RNF144B: variants seen among roughly 807,000 people sequenced by gnomAD.
The protein encoded by RNF144B is ring finger protein 144B, also known as E3 ubiquitin-protein ligase RNF144B.
RNF144B carries 25 observed loss-of-function variants against 40.2 expected under a neutral mutation model. The observed-to-expected ratio is 0.62, with a 90% CI of 0.45 to 0.87. RNF144B has a LOEUF of 0.87. Ranked by LOEUF, RNF144B falls within the 40% of genes least tolerant of loss-of-function variation. RNF144B has a pLI of 0.00. For missense variants in RNF144B, 365 were observed against 373.7 expected (o/e 0.98, Z 0.19); for synonymous variants, 145 against 136.3 (o/e 1.06, Z -0.44).
At chr6:18,463,854 A>G (rs1217611869) in intron 7 of RNF144B, among the ~76,000 whole-genome samples, 3 of 152,172 alleles carry the variant, frequency 2.0e-5, no homozygotes, top group African/African-American at 7.2e-5. Flanking sequence ...GCAAAGGAGG[A>G]GCAAAGTCAT....
In RNF144B at chr6:18,460,585, ACTCTCTTCT is replaced by A. The variant is rs962154695; in HGVS notation, c.681+838_681+846del. ...TGGTTCAAATCAATGGTGTCTCCTA[ACTCTCTTCT>A]CTCCCTCATGCTCTCTTGCATGCTC... On this transcript the variant is annotated intron_variant, in intron 6 of 7. Transcript: ENST00000259939. This position sits in a 1 kb window ranked among gnomAD's most constrained non-coding sequence, Gnocchi z 4.4. Among the ~76,000 whole-genome samples, 1 of 151,336 alleles carries A rather than the reference ACTCTCTTCT, an allele frequency of 6.6e-6. No homozygotes were observed. The highest frequency in any genetic ancestry group is 1.5e-5 in the Non-Finnish European group (1 of 67,848).
In RNF144B at chr6:18,427,701, A is replaced by G. The variant is rs769753089; in HGVS notation, c.270+16A>G. On this transcript the variant is annotated intron_variant, in intron 3 of 7. Coordinates refer to ENST00000259939, the MANE Select transcript of RNF144B (RefSeq NM_182757.4). ...GGAAGCTGAGGTATGAATGACTACCATCATCTTCCCCTCTTTCCTATTTAT... is the reference window on the plus strand; with the variant it reads ...GGAAGCTGAGGTATGAATGACTACCGTCATCTTCCCCTCTTTCCTATTTAT... 1 of 1,420,358 alleles carries G rather than the reference A, an allele frequency of 7.0e-7. No individual in the cohort carries two copies. The highest frequency in any genetic ancestry group is 1.0e-6 in the Non-Finnish European group (1 of 1,004,230). The allele number at this position is 1,420,358 out of a possible 1,614,324, so 88.0% of individuals were successfully genotyped here.
At chr6:18,435,682 C>T (rs1234059700) in intron 3 of RNF144B, among the ~76,000 whole-genome samples, 4 of 152,188 alleles carry the variant, frequency 2.6e-5, no homozygotes, top group African/African-American at 9.6e-5. Context: ...AGTTAACATA[C>T]TATGCAGCCA....
chr6:18,456,003 A>G lies in RNF144B; in HGVS notation c.332-1152A>G, dbSNP rs895134121. 6.6e-6 allele frequency among the ~76,000 whole-genome samples: 1 copy of G among 151,802 alleles called. No homozygotes were observed. The highest frequency in any genetic ancestry group is 1.5e-5 in the Non-Finnish European group (1 of 67,980). ...AGTGGTGCGATCTCAGCTCACTGCA[A>G]CCTCTGCCTCCCGGGTTCACGCCAT... is the stretch of plus-strand genomic sequence containing the variant. On this transcript the variant is annotated intron_variant, in intron 4 of 7. Coordinates refer to ENST00000259939, the MANE Select transcript of RNF144B (RefSeq NM_182757.4). This position sits in a 1 kb window ranked among gnomAD's most constrained non-coding sequence, Gnocchi z 4.7.
rs992928243 is a variant in RNF144B at position 18,418,886 on chromosome 6, G to A, written c.166-8695G>A. Among the ~76,000 whole-genome samples the A allele has an allele frequency of 3.3e-5, 5 of 151,968 alleles. No individual in the cohort carries two copies. Among genetic ancestry groups the A allele is most frequent in the African/African-American group, 9.7e-5 (4 of 41,382 alleles). On this transcript the variant is annotated intron_variant, in intron 2 of 7. Transcript: ENST00000259939. This position sits in a 1 kb window ranked among gnomAD's most constrained non-coding sequence, Gnocchi z 5.2. ...AGAGAGTCTGAATTAATTGGTCTGT[G>A]GTATGGCCTGGGCATTGGACTTCTG... is the stretch of plus-strand genomic sequence containing the variant.
chr6:18,413,582 T>A (rs1467417719), intron 2 of RNF144B, among the ~76,000 whole-genome samples: 1 of 152,162 alleles, frequency 6.6e-6, no homozygotes, highest in Non-Finnish European at 1.5e-5. Flanking sequence ...CCCAGTGCAT[T>A]TAGCATATTT....
rs1554182726 is a variant in RNF144B, at chr6:18,467,401, T to TTTTTG, written c.*2338_*2339insGTTTT. ...TGTATCACTGAATTAGCTGCTTTTG[T>TTTTTG]TTTTTTTTTTTTTTTTTTGCCAGGG... On this transcript the variant is annotated 3_prime_UTR_variant, in exon 8 of 8. Transcript: ENST00000259939. 3.1e-3 allele frequency: 21 copies of TTTTTG among 6,776 alleles called. No individual in the cohort carries two copies. The highest frequency in any genetic ancestry group is 6.4e-3 in the South Asian group (3 of 470). 0.4% of individuals were successfully genotyped at this position (6,776 alleles called of 1,614,324 possible).
At chr6:18,396,064 G>A (rs1794688431) in intron 1 of RNF144B, among the ~76,000 whole-genome samples, 1 of 152,022 alleles carries the variant, frequency 6.6e-6, no homozygotes, top group African/African-American at 2.4e-5. Flanking sequence ...GCTATGTAAA[G>A]GTTTTTCTAT....
In RNF144B at chr6:18,447,439, G is replaced by C. The variant is rs910475045; in HGVS notation, c.331+7695G>C. On this transcript the variant is annotated intron_variant, in intron 4 of 7. Coordinates refer to ENST00000259939, the MANE Select transcript of RNF144B (RefSeq NM_182757.4). The surrounding 1 kb of genome is among the most constrained non-coding windows in gnomAD (Gnocchi z 5.6). ...TGATCCCATAGATTATGAAGATGAA[G>C]TCTTAGTGGGATGAGAAGCCATTGG... Among the ~76,000 whole-genome samples, 1 of 152,058 alleles carries C rather than the reference G, an allele frequency of 6.6e-6. No individual in the cohort carries two copies. Among genetic ancestry groups the C allele is most frequent in the African/African-American group, 2.4e-5 (1 of 41,388 alleles).
chr6:18,457,126 C>A lies in RNF144B; in HGVS notation c.332-29C>A, dbSNP rs778544777. On this transcript the variant is annotated intron_variant, in intron 4 of 7. Transcript: ENST00000259939. The surrounding 1 kb of genome is among the most constrained non-coding windows in gnomAD (Gnocchi z 5.1). ...AAGACTCAAACATGAATCGGGCAGA[C>A]CATCACATTTTCTTTCTTTACACTT... 1.3e-6 allele frequency: 2 copies of A among 1,511,642 alleles called. No individual in the cohort carries two copies. The highest frequency in any genetic ancestry group is 1.8e-6 in the Non-Finnish European group (2 of 1,087,942). The allele number at this position is 1,511,642 out of a possible 1,614,324, so 93.6% of individuals were successfully genotyped here.
At chr6:18,393,426 A>G (rs189536652) in intron 1 of RNF144B, among the ~76,000 whole-genome samples, 1 of 152,306 alleles carries the variant, frequency 6.6e-6, no homozygotes, top group Non-Finnish European at 1.5e-5. Flanking sequence ...TCACCCTGCC[A>G]TTGTATTTGG....
At chr6:18,413,995 C>T (rs1379785629) in intron 2 of RNF144B, among the ~76,000 whole-genome samples, 2 of 152,172 alleles carry the variant, frequency 1.3e-5, no homozygotes, top group African/African-American at 2.4e-5. Context: ...TATGAAGCCC[C>T]TTGACTTCTA....
intron 1 of RNF144B, among the ~76,000 whole-genome samples, chr6:18,391,402 T>C (rs1008802575): frequency 1.3e-5 from 2 of 152,228 alleles, no homozygotes; most frequent in Non-Finnish European, 2.9e-5. Context: ...GTAGCTACCA[T>C]GATGAATGCA....
rs1795197124 is a variant in RNF144B at position 18,418,815 on chromosome 6, A to C, written c.166-8766A>C. ...ATATAATATTTACATATCATATATAATAATGCTATATATATAATATACACT... is the reference window on the plus strand; with the variant it reads ...ATATAATATTTACATATCATATATACTAATGCTATATATATAATATACACT... On this transcript the variant is annotated intron_variant, in intron 2 of 7. Transcript: ENST00000259939. The surrounding 1 kb of genome is among the most constrained non-coding windows in gnomAD (Gnocchi z 5.2). Among the ~76,000 whole-genome samples the C allele has an allele frequency of 6.6e-6, 1 of 151,526 alleles. No homozygotes were observed. The highest frequency in any genetic ancestry group is 2.4e-5 in the African/African-American group (1 of 41,318).
At position 18,468,780 on chromosome 6, in the gene RNF144B, TA is replaced by T. The variant is rs1413303778; in HGVS notation, c.*3719del. The T allele has an allele frequency of 3.9e-5, 6 of 152,216 alleles. No homozygotes were observed. Among genetic ancestry groups the T allele is most frequent in the Non-Finnish European group, 8.8e-5 (6 of 68,028 alleles). 9.4% of individuals were successfully genotyped at this position (152,216 alleles called of 1,614,324 possible). A position where few individuals can be genotyped will look rare whatever the true frequency, so the allele number is the denominator to read the frequency against. ...CATGATCCAGGAAGTTTTATGTATT[TA>T]AAAAATTGCTATCGTGTTATATTTT... On this transcript the variant is annotated 3_prime_UTR_variant, in exon 8 of 8. Coordinates refer to ENST00000259939, the MANE Select transcript of RNF144B (RefSeq NM_182757.4).
rs1461566929 is a variant in RNF144B at position 18,419,411 on chromosome 6, T to C, written c.166-8170T>C. On this transcript the variant is annotated intron_variant, in intron 2 of 7. Coordinates refer to ENST00000259939, the MANE Select transcript of RNF144B (RefSeq NM_182757.4). This position sits in a 1 kb window ranked among gnomAD's most constrained non-coding sequence, Gnocchi z 4.6. The stretch of plus-strand genomic sequence containing the variant: ...GTGGACTAGCACAACTGGTTCTATA[T>C]AGCAAATGAGGCGACCCAGGAAGAA... Among the ~76,000 whole-genome samples the C allele has an allele frequency of 6.6e-6, 1 of 152,088 alleles. No individual in the cohort carries two copies. The highest frequency in any genetic ancestry group is 1.5e-5 in the Non-Finnish European group (1 of 67,994).
intron 3 of RNF144B, among the ~76,000 whole-genome samples, chr6:18,428,090 C>T (rs1047095617): frequency 1.3e-5 from 2 of 152,126 alleles, no homozygotes; most frequent in Non-Finnish European, 2.9e-5. Context: ...ATGCTGTTCT[C>T]GTGATAGTGC....
rs1018661464 is a variant in RNF144B at position 18,419,870 on chromosome 6, A to G, written c.166-7711A>G. Among the ~76,000 whole-genome samples the G allele has an allele frequency of 2.6e-5, 4 of 152,324 alleles. No homozygotes were observed. Among genetic ancestry groups the G allele is most frequent in the African/African-American group, 9.6e-5 (4 of 41,578 alleles). ...TTTCTTTGATTTCTTTGATTAGGAT[A>G]TTTTGAACATGTTCAAGTATAGACA... is the stretch of plus-strand genomic sequence containing the variant. On this transcript the variant is annotated intron_variant, in intron 2 of 7. Transcript: ENST00000259939. This position sits in a 1 kb window ranked among gnomAD's most constrained non-coding sequence, Gnocchi z 4.6.
intron 1 of RNF144B, among the ~76,000 whole-genome samples, chr6:18,391,276 G>T (rs547867296): frequency 6.6e-6 from 1 of 152,096 alleles, no homozygotes; most frequent in Admixed American, 6.6e-5. Context: ...GAGCTTTGTT[G>T]TTATGCCAGG....
Sources: gnomAD v4.1 joint callset for allele counts (sites outside exome capture counted in the v4.1 genomes callset) on GRCh38, gnomAD v4.1.1 for gene constraint, Gnocchi (gnomAD v3.1) non-coding constraint, MANE v1.5 for transcripts, NCBI Gene and HGNC (gene_info 2026-07-23, HGNC 2026-07-21) for gene names.